Variants in CACNA1C observed in about 807,000 individuals in gnomAD.
CACNA1C encodes calcium voltage-gated channel subunit alpha1 C.
CACNA1C carries 30 observed loss-of-function variants against 229.0 expected under a neutral mutation model. The observed-to-expected ratio is 0.13, with a 90% CI of 0.10 to 0.18. CACNA1C has a LOEUF of 0.18. CACNA1C is among the 10% of genes least tolerant of loss of function. CACNA1C has a pLI of 1.00. For missense variants in CACNA1C, 1,658 were observed against 2,845.0 expected (o/e 0.58, Z 9.49); for synonymous variants, 1,114 against 1,132.5 (o/e 0.98, Z 0.33).
At chr12:2,048,194 A>C (rs530973889), upstream of CACNA1C, among the ~76,000 whole-genome samples, 1 of 152,244 alleles carries the variant, frequency 6.6e-6, no homozygotes, top group Non-Finnish European at 1.5e-5. Flanking sequence ...CCACATAAGG[A>C]AGGCAATTCT....
At chr12:2,438,281 G>C (rs2099168175) in intron 3 of CACNA1C, among the ~76,000 whole-genome samples, 1 of 92,542 alleles carries the variant, frequency 1.1e-5, no homozygotes, top group Admixed American at 1.2e-4. Flanking sequence ...GGTAATGATA[G>C]TGGTAATGAT....
chr12:2,229,911 T>C lies in CACNA1C; in HGVS notation c.477+109481T>C, dbSNP rs548135581. 2.0e-3 allele frequency among the ~76,000 whole-genome samples: 303 copies of C among 152,270 alleles called. 1 individual carries two copies. Among genetic ancestry groups the C allele is most frequent in the African/African-American group, 7.1e-3 (293 of 41,552 alleles). On this transcript the variant is annotated intron_variant, in intron 3 of 46. Coordinates refer to ENST00000399655, the MANE Select transcript of CACNA1C (RefSeq NM_000719.7). ...AGGAGGCCAGAGCCATTGCAGATTT[T>C]GAGCGGGTGTGGCGTGGTCTGACGC... is the stretch of plus-strand genomic sequence containing the variant.
chr12:2,447,083 G>T (rs1467211424), intron 3 of CACNA1C, among the ~76,000 whole-genome samples: 1 of 152,152 alleles, frequency 6.6e-6, no homozygotes, highest in Non-Finnish European at 1.5e-5. Flanking sequence ...CATGGGTTGG[G>T]GATAAGGAGA....
chr12:2,146,544 G>A (rs972178572), intron 3 of CACNA1C, among the ~76,000 whole-genome samples: 3 of 151,248 alleles, frequency 2.0e-5, no homozygotes, highest in African/African-American at 4.8e-5. Flanking sequence ...GGGCAGCCCC[G>A]GGCCTGAGGT....
chr12:2,053,688 G>C lies in CACNA1C; in HGVS notation c.49+77G>C. 6.9e-7 allele frequency: 1 copy of C among 1,444,518 alleles called. No individual in the cohort carries two copies. The highest frequency in any genetic ancestry group is 9.1e-7 in the Non-Finnish European group (1 of 1,093,446). The allele number at this position is 1,444,518 out of a possible 1,614,324, so 89.5% of individuals were successfully genotyped here. On this transcript the variant is annotated intron_variant, in intron 1 of 46. Coordinates refer to ENST00000399655, the MANE Select transcript of CACNA1C (RefSeq NM_000719.7). This position sits in a 1 kb window ranked among gnomAD's most constrained non-coding sequence, Gnocchi z 5.8. ...TTCCTGCCCTACCCGCGCTCCCCGC[G>C]GCCCCGGGGCCGGTCCCTGCGGAGT... is the stretch of plus-strand genomic sequence containing the variant.
intron 3 of CACNA1C, among the ~76,000 whole-genome samples, chr12:2,196,710 C>T (rs1386931117): frequency 6.6e-6 from 1 of 152,212 alleles, no homozygotes; most frequent in Non-Finnish European, 1.5e-5. Flanking sequence ...GCGTAAAAGA[C>T]GGTTGCTTTA....
rs2097097758 is a variant in CACNA1C, at chr12:2,348,043, G to A, written c.478-100933G>A. Among the ~76,000 whole-genome samples, 1 of 152,246 alleles carries A rather than the reference G, an allele frequency of 6.6e-6. No homozygotes were observed. Among genetic ancestry groups the A allele is most frequent in the African/African-American group, 2.4e-5 (1 of 41,470 alleles). The stretch of plus-strand genomic sequence containing the variant: ...CCAGTGCCAGCTGGGAAATCTGTGA[G>A]GTCTCCCTGAGGAAGCTTGTCCTAG... On this transcript the variant is annotated intron_variant, in intron 3 of 46. Coordinates refer to ENST00000399655, the MANE Select transcript of CACNA1C (RefSeq NM_000719.7). The surrounding 1 kb of genome is among the most constrained non-coding windows in gnomAD (Gnocchi z 4.7).
At chr12:2,119,990 A>G (rs894555467) in intron 2 of CACNA1C, among the ~76,000 whole-genome samples, 8 of 152,262 alleles carry the variant, frequency 5.3e-5, no homozygotes, top group Non-Finnish European at 8.8e-5. Flanking sequence ...GGCGCAGGCC[A>G]TGCTCTTTAG....
intron 1 of CACNA1C, among the ~76,000 whole-genome samples, chr12:1,986,038 C>T (rs1322324822): frequency 1.3e-5 from 2 of 152,196 alleles, no homozygotes; most frequent in Non-Finnish European, 2.9e-5. Context: ...TGGTCTCGAT[C>T]TCCTGACCTC....
At chr12:2,671,923 C>T (rs1026594551) in intron 38 of CACNA1C, among the ~76,000 whole-genome samples, 2 of 150,110 alleles carry the variant, frequency 1.3e-5, no homozygotes, top group African/African-American at 2.5e-5. Flanking sequence ...AAAATCGAAA[C>T]GCCCCCACCC....
chr12:2,439,767 T>C (rs2099199559), intron 3 of CACNA1C, among the ~76,000 whole-genome samples: 1 of 152,192 alleles, frequency 6.6e-6, no homozygotes, highest in African/African-American at 2.4e-5. Context: ...AGCATACTTT[T>C]TAATTCACCC....
At chr12:2,117,806 G>A (rs945412832) in intron 2 of CACNA1C, among the ~76,000 whole-genome samples, 2 of 152,200 alleles carry the variant, frequency 1.3e-5, no homozygotes, top group African/African-American at 4.8e-5. Context: ...CCGGGGGAGT[G>A]TGCCTTCCCA....
intron 3 of CACNA1C, among the ~76,000 whole-genome samples, chr12:2,310,236 G>A (rs2095347445): frequency 6.6e-6 from 1 of 151,750 alleles, no homozygotes; most frequent in Admixed American, 6.6e-5. Flanking sequence ...CCAAGTCAGG[G>A]ACCCCAACTC....
At chr12:2,239,816 A>G (rs772109047) in intron 3 of CACNA1C, among the ~76,000 whole-genome samples, 7 of 152,156 alleles carry the variant, frequency 4.6e-5, no homozygotes, top group African/African-American at 9.7e-5. Flanking sequence ...GCCAGCGAGC[A>G]TCTGCGGGGG....
At chr12:1,997,380 C>T (rs556412881) in intron 1 of CACNA1C, among the ~76,000 whole-genome samples, 6 of 152,264 alleles carry the variant, frequency 3.9e-5, no homozygotes, top group African/African-American at 1.2e-4. Flanking sequence ...ATTAGCTGGG[C>T]GTGGTGGCGC....
At chr12:2,438,272 GTAA>G (rs1438725307) in intron 3 of CACNA1C, among the ~76,000 whole-genome samples, 1 of 130,720 alleles carries the variant, frequency 7.6e-6, no homozygotes, top group Non-Finnish European at 1.6e-5. Context: ...GGTGGTGGTG[GTAA>G]TGATAGTGGT....
chr12:2,545,792 C>T (rs1394415383), intron 9 of CACNA1C, among the ~76,000 whole-genome samples: 1 of 152,212 alleles, frequency 6.6e-6, no homozygotes, highest in Non-Finnish European at 1.5e-5. Context: ...CCTCTCATTC[C>T]CAGCACCCTG....
intron 3 of CACNA1C, among the ~76,000 whole-genome samples, chr12:2,238,501 C>T (rs2068407947): frequency 6.6e-6 from 1 of 152,192 alleles, no homozygotes; most frequent in Non-Finnish European, 1.5e-5. Context: ...CCACCAAAAT[C>T]ATGTTGAATC....
At chr12:2,667,185 G>C (rs2096183179) in intron 37 of CACNA1C, among the ~76,000 whole-genome samples, 1 of 134,000 alleles carries the variant, frequency 7.5e-6, no homozygotes, top group African/African-American at 3.5e-5. Flanking sequence ...AGTTTACCAG[G>C]GAGAGGATTT....
Sources: gnomAD v4.1 joint callset for allele counts (sites outside exome capture counted in the v4.1 genomes callset) on GRCh38, gnomAD v4.1.1 for gene constraint, Gnocchi (gnomAD v3.1) non-coding constraint, MANE v1.5 for transcripts, NCBI Gene and HGNC (gene_info 2026-07-23, HGNC 2026-07-21) for gene names.